Variants in CFAP69 observed in about 807,000 individuals in gnomAD.
CFAP69 encodes cilia and flagella associated protein 69.
Under a neutral mutation model 123.0 loss-of-function variants are expected in CFAP69, and 92 were observed. That is an observed-to-expected ratio of 0.75 (90% CI 0.63 to 0.89). CFAP69 has a LOEUF of 0.89. CFAP69 is among the 40% of genes least tolerant of loss of function. The pLI, the probability that CFAP69 is intolerant of heterozygous loss-of-function variation, is 0.00. For synonymous variants in CFAP69, 380 were observed against 364.3 expected, an observed-to-expected ratio of 1.04 and a Z score of -0.49; for missense variants, 1,067 against 1,096.9, an observed-to-expected ratio of 0.97 and a Z score of 0.39.
At position 90,282,848 on chromosome 7, in the gene CFAP69, T is replaced by C. The variant is rs138570058; in HGVS notation, c.1373-44T>C. The C allele has an allele frequency of 3.0e-4, 410 of 1,386,528 alleles. 3 individuals carry two copies. In the African/African-American group the frequency reaches 4.7e-3, roughly 16 times the overall value. 85.9% of individuals were successfully genotyped at this position (1,386,528 alleles called of 1,614,324 possible). On this transcript the variant is annotated intron_variant, in intron 12 of 22. Transcript: ENST00000389297. ...TATAAGATATCTGATATATTTGCTTTATTTGAAATGTTTTTGTTTTAAATT... is the reference window on the plus strand; with the variant it reads ...TATAAGATATCTGATATATTTGCTTCATTTGAAATGTTTTTGTTTTAAATT...
At chr7:90,261,555 A>G (rs1798338768) in intron 3 of CFAP69, among the ~76,000 whole-genome samples, 1 of 152,216 alleles carries the variant, frequency 6.6e-6, no homozygotes, top group African/African-American at 2.4e-5. Context: ...GAGACAGCAT[A>G]TGTTTGTGTG....
At chr7:90,247,997 C>T (rs11563923) in intron 1 of CFAP69, among the ~76,000 whole-genome samples, 4,366 of 152,278 alleles carry the variant, frequency 0.029, 93 homozygotes, top group South Asian at 0.11. Context: ...ATCCAGGGAA[C>T]TAGAGCTCAT....
At position 90,303,989 on chromosome 7, in the gene CFAP69, A is replaced by T. The variant is rs1234245817; in HGVS notation, c.2071A>T (p.Thr691Ser). 2.6e-6 allele frequency: 4 copies of T among 1,550,054 alleles called. No individual in the cohort carries two copies. The highest frequency in any genetic ancestry group is 3.5e-6 in the Non-Finnish European group (4 of 1,146,042). The change falls in exon 18 of 23, where the codon ACT becomes TCT. Residue 691 changes from threonine to serine, a missense_variant. Physicochemically the swap from Thr to Ser is moderately conservative, Grantham distance 58. Transcript: ENST00000389297. ...ATTAGATACAAAAAAACCTCTATTTACTAGCTTTCAAGAAGAGCAAAAAAT... is the reference window on the plus strand; with the variant it reads ...ATTAGATACAAAAAAACCTCTATTTTCTAGCTTTCAAGAAGAGCAAAAAAT... ...KIIDTKKPLFTSFQEEQKIIP... is the reference protein window; with the variant it reads ...KIIDTKKPLFSSFQEEQKIIP...
intron 3 of CFAP69, among the ~76,000 whole-genome samples, chr7:90,258,716 A>G (rs931017498): frequency 6.6e-6 from 1 of 152,212 alleles, no homozygotes; most frequent in African/African-American, 2.4e-5. Context: ...TACCACAGAA[A>G]TACTGGAGAG....
At chr7:90,271,742 T>G (rs1177252693) in intron 7 of CFAP69, 39 bp from the exon 8 acceptor site, 1 of 1,588,306 alleles carries the variant, frequency 6.3e-7, no homozygotes, top group Non-Finnish European at 8.6e-7. Context: ...AAAATGTCAA[T>G]ATTGTAAAGC....
At position 90,245,363 on chromosome 7, in the gene CFAP69, C is replaced by A. The variant is rs1255117143; in HGVS notation, c.-62C>A. ...GGTGGCGGGGCCTCTTTGGGCCCAG[C>A]GGCTGCGGGCGCACTGTAGGACAGG... is the stretch of plus-strand genomic sequence containing the variant. On this transcript the variant is annotated 5_prime_UTR_variant, in exon 1 of 23. Coordinates refer to ENST00000389297, the MANE Select transcript of CFAP69 (RefSeq NM_001039706.3). 6 of 1,446,400 alleles carry A rather than the reference C, an allele frequency of 4.1e-6. No individual in the cohort carries two copies. The highest frequency in any genetic ancestry group is 1.8e-6 in the Non-Finnish European group (2 of 1,099,122). The allele number at this position is 1,446,400 out of a possible 1,614,324, so 89.6% of individuals were successfully genotyped here.
At chr7:90,277,771 A>G (rs968584856) in intron 11 of CFAP69, among the ~76,000 whole-genome samples, 4 of 152,132 alleles carry the variant, frequency 2.6e-5, no homozygotes, top group African/African-American at 7.2e-5. Flanking sequence ...GTCTTTAATC[A>G]CTTTTACTCT....
rs894229744 is a variant in CFAP69 at position 90,254,917 on chromosome 7, G to A, written c.121-506G>A. Among the ~76,000 whole-genome samples, 5 of 152,130 alleles carry A rather than the reference G, an allele frequency of 3.3e-5. No individual in the cohort carries two copies. In the South Asian group the frequency reaches 6.2e-4, roughly 19 times the overall value. On this transcript the variant is annotated intron_variant, in intron 1 of 22. Transcript: ENST00000389297. ...TAAAAACTGAATAAATCAGTAAGATGGAATGGACTCAAGAAATATTTAAGA... is the reference window on the plus strand; with the variant it reads ...TAAAAACTGAATAAATCAGTAAGATAGAATGGACTCAAGAAATATTTAAGA...
intron 16 of CFAP69, 71 bp from the exon 17 acceptor site, chr7:90,299,796 C>CTT (rs36006782): frequency 0.021 from 20,440 of 983,644 alleles, no homozygotes; most frequent in Non-Finnish European, 0.023. Flanking sequence ...GTGTTTCTCT[C>CTT]TTTTTTTTTT....
intron 17 of CFAP69, chr7:90,300,290 T>C: frequency 2.4e-6 from 2 of 847,028 alleles, no homozygotes; most frequent in African/African-American, 3.9e-5. Context: ...TTTAATTATA[T>C]TCTTTTAACT....
rs751649919 is a variant in CFAP69, at chr7:90,304,776, G to GAT, written c.2222_2223dup (p.Phe742IlefsTer27). Reference sequence around the variant, plus strand: ...AAATTTACCTGGCCTATCTGCTGAAGATTTTGTCACCCTTTGTATCATACA... The same window carrying GAT: ...AAATTTACCTGGCCTATCTGCTGAAGATATTTTGTCACCCTTTGTATCATACA... On this transcript the variant is annotated frameshift_variant, in exon 19 of 23. Transcript: ENST00000389297. LOFTEE classifies it high-confidence loss of function. The GAT allele has an allele frequency of 2.5e-6, 4 of 1,589,292 alleles. No individual in the cohort carries two copies. The highest frequency in any genetic ancestry group is 3.4e-6 in the Non-Finnish European group (4 of 1,162,486).
intron 2 of CFAP69, among the ~76,000 whole-genome samples, chr7:90,255,906 T>C (rs1797589148): frequency 6.6e-6 from 1 of 152,184 alleles, no homozygotes; most frequent in Admixed American, 6.5e-5. Flanking sequence ...AACAATCATA[T>C]ATAAGATGTA....
At chr7:90,286,474 T>A (rs1790296629) in intron 14 of CFAP69, 75 bp downstream of exon 14, 16 of 1,402,174 alleles carry the variant, frequency 1.1e-5, no homozygotes, top group Non-Finnish European at 1.5e-5. Flanking sequence ...GAAGTCTCTA[T>A]AATTGTATTT....
intron 15 of CFAP69, 79 bp from the exon 16 acceptor site, chr7:90,297,670 G>C (rs1039864146): frequency 1.2e-6 from 1 of 832,090 alleles, no homozygotes; most frequent in African/African-American, 1.8e-5. Context: ...CTTTGAAAAT[G>C]CTTTGATAAA....
chr7:90,262,928 A>C (rs1798526940), intron 4 of CFAP69, among the ~76,000 whole-genome samples: 1 of 152,152 alleles, frequency 6.6e-6, no homozygotes, highest in African/African-American at 2.4e-5. Context: ...AACCAAAATA[A>C]TATATTGAAT....
intron 1 of CFAP69, 95 bp downstream of exon 1, chr7:90,245,639 G>C (rs1304829916): frequency 1.4e-6 from 2 of 1,391,236 alleles, no homozygotes; most frequent in Non-Finnish European, 1.9e-6. Context: ...GTGGAACTGG[G>C]GACAGGAGTG....
intron 15 of CFAP69, among the ~76,000 whole-genome samples, chr7:90,292,221 T>C (rs998874748): frequency 6.6e-6 from 1 of 152,206 alleles, no homozygotes; most frequent in African/African-American, 2.4e-5. Context: ...AAGACTTTTT[T>C]AAAGCCAAGC....
intron 1 of CFAP69, among the ~76,000 whole-genome samples, chr7:90,246,694 C>T (rs28949015): frequency 0.02 from 3,000 of 152,248 alleles, 97 homozygotes; most frequent in East Asian, 0.11. Context: ...AACAATACAG[C>T]CATACTCCCA....
rs183557953 is a variant in CFAP69, at chr7:90,247,757, A to G, written c.120+2213A>G. On this transcript the variant is annotated intron_variant, in intron 1 of 22. Coordinates refer to ENST00000389297, the MANE Select transcript of CFAP69 (RefSeq NM_001039706.3). ...CTACTTGGGAGGCTGAGGCAGGAGA[A>G]TCACTTGAACATGGGAGGCAGAGGT... 2.6e-4 allele frequency among the ~76,000 whole-genome samples: 39 copies of G among 152,314 alleles called. 1 individual carries two copies. The East Asian group carries it at 6.2e-3, about 24-fold the overall frequency.
Sources: allele counts gnomAD v4.1 joint callset (sites outside exome capture counted in the v4.1 genomes callset), GRCh38; gene constraint gnomAD v4.1.1; transcripts MANE v1.5; gene names NCBI Gene and HGNC (gene_info 2026-07-23, HGNC 2026-07-21).